Variants in HERC2 observed in about 807,000 individuals in gnomAD.
The protein encoded by HERC2 is HECT and RLD domain containing E3 ubiquitin protein ligase 2.
Under a neutral mutation model 537.7 loss-of-function variants are expected in HERC2, and 102 were observed. That is an observed-to-expected ratio of 0.19 (90% CI 0.16 to 0.22). The LOEUF is 0.22. Ranked by LOEUF, HERC2 falls within the 10% of genes least tolerant of loss-of-function variation. HERC2 has a pLI of 1.00. For synonymous variants in HERC2, 2,224 were observed against 2,466.2 expected (o/e 0.90, Z 2.91); for missense variants, 4,236 against 6,198.2 (o/e 0.68, Z 10.63).
intron 4 of HERC2, among the ~76,000 whole-genome samples, chr15:28,282,951 T>G (rs1172224723): frequency 2.4e-5 from 3 of 126,420 alleles, no homozygotes; most frequent in African/African-American, 9.7e-5. Context: ...CGGGAAGGGA[T>G]GGGAAGGGAC....
intron 55 of HERC2, 70 bp downstream of exon 55, chr15:28,190,895 T>C (rs113289431): frequency 2.0e-5 from 21 of 1,036,580 alleles, no homozygotes; most frequent in East Asian, 9.5e-5. Context: ...AATGCTAGTA[T>C]AGAAATGGCC....
chr15:28,187,051 G>A (rs951521290), intron 55 of HERC2, among the ~76,000 whole-genome samples: 14 of 152,142 alleles, frequency 9.2e-5, no homozygotes, highest in African/African-American at 2.9e-4. Flanking sequence ...AAACTCTTCC[G>A]TCTTAGAGCT....
chr15:28,139,199 G>A (rs1387920374), intron 78 of HERC2, among the ~76,000 whole-genome samples: 1 of 152,206 alleles, frequency 6.6e-6, no homozygotes, highest in Non-Finnish European at 1.5e-5. Flanking sequence ...CCTGAGTGTG[G>A]GCTGGACTTA....
At position 28,175,531 on chromosome 15, in the gene HERC2, G is replaced by A. The variant is rs1311070565; in HGVS notation, c.9812C>T (p.Ala3271Val). 1.9e-6 allele frequency: 3 copies of A among 1,612,762 alleles called. No individual in the cohort carries two copies. Among genetic ancestry groups the A allele is most frequent in the Non-Finnish European group, 2.5e-6 (3 of 1,179,316 alleles). ...HVAVGALHCL[A>V]VTDSGQVYAW... Reference sequence around the variant, plus strand: ...CCTTACCTGCCCCGAGTCCGTGACCGCCAGGCAGTGCAGGGCCCCGACAGC... The same window carrying A: ...CCTTACCTGCCCCGAGTCCGTGACCACCAGGCAGTGCAGGGCCCCGACAGC... The change falls in exon 64 of 93, where the codon GCG becomes GTG. Residue 3271 changes from alanine to valine, a missense_variant. This residue lies in a region of HERC2 where 93 missense variants were observed against 265.1 expected (regional missense o/e 0.35). Coordinates refer to ENST00000261609, the MANE Select transcript of HERC2 (RefSeq NM_004667.6).
chr15:28,213,852 C>T lies in HERC2; in HGVS notation c.6676G>A (p.Asp2226Asn), dbSNP rs1899549328. 1.3e-5 allele frequency: 21 copies of T among 1,613,920 alleles called. No homozygotes were observed. Among genetic ancestry groups the T allele is most frequent in the Non-Finnish European group, 1.8e-5 (21 of 1,179,924 alleles). ...RLRLGGQVMH[D>N]EFGEGTVTRI... ...GTCACAGTGCCTTCTCCAAACTCAT[C>T]GTGCATAACTTGACCGCCCAGGCGC... is the stretch of plus-strand genomic sequence containing the variant. The change falls in exon 42 of 93, where the codon GAT (aspartate) becomes AAT (asparagine). Residue 2226 changes from aspartate (D) to asparagine (N), a missense_variant. Physicochemically the swap from Asp to Asn is conservative, Grantham distance 23 (BLOSUM62 1). Around this residue, in one of 27 missense-constraint regions of HERC2, gnomAD observed 365 missense variants for 468.8 expected, o/e 0.78. Transcript: ENST00000261609.
chr15:28,115,403 C>A lies in HERC2; in HGVS notation c.13722+26G>T, dbSNP rs752242359. ...GTGCCTGTTAACAAGACCCTAGAGG[C>A]CCCGCCTGCCGCCCCAGGGAGTTAC... is the stretch of plus-strand genomic sequence containing the variant. On this transcript the variant is annotated intron_variant, in intron 89 of 92. Transcript: ENST00000261609. 3.3e-6 allele frequency: 5 copies of A among 1,534,384 alleles called. No individual in the cohort carries two copies. In the South Asian group the frequency reaches 3.4e-5, roughly 10 times the overall value.
intron 4 of HERC2, among the ~76,000 whole-genome samples, chr15:28,289,666 T>C (rs1456357784): frequency 1.3e-5 from 2 of 152,362 alleles, no homozygotes; most frequent in Non-Finnish European, 2.9e-5. Flanking sequence ...GAAATGTTTT[T>C]AGCAAGATGT....
chr15:28,261,527 G>A (rs1188637599), intron 15 of HERC2, among the ~76,000 whole-genome samples: 4 of 152,112 alleles, frequency 2.6e-5, no homozygotes, highest in African/African-American at 9.7e-5. Flanking sequence ...AAACCACACT[G>A]CAGTAAGGGG....
chr15:28,175,154 G>A (rs1039735430), intron 64 of HERC2, among the ~76,000 whole-genome samples: 7 of 151,816 alleles, frequency 4.6e-5, no homozygotes, highest in Non-Finnish European at 7.4e-5. Flanking sequence ...CACTAGCTCT[G>A]TCTCTAAAAT....
rs1331020132 is a variant in HERC2 at position 28,129,851 on chromosome 15, A to G, written c.12802+312T>C. ...GAGTGCAATGGCACGATCTTGGCTC[A>G]CTGCAACCTCCACCTCCCGGGTTCA... On this transcript the variant is annotated intron_variant, in intron 83 of 92. Coordinates refer to ENST00000261609, the MANE Select transcript of HERC2 (RefSeq NM_004667.6). Among the ~76,000 whole-genome samples the G allele has an allele frequency of 4.1e-5, 6 of 144,652 alleles. No individual in the cohort carries two copies. In the East Asian group the frequency reaches 1.2e-3, roughly 29 times the overall value. The allele number at this position is 144,652 out of a possible 152,430, so 94.9% of individuals were successfully genotyped here.
At chr15:28,258,226 T>C (rs1375635849) in intron 16 of HERC2, among the ~76,000 whole-genome samples, 3 of 152,014 alleles carry the variant, frequency 2.0e-5, no homozygotes, top group Admixed American at 6.6e-5. Context: ...TCCAAACACT[T>C]TGGGAGGCCA....
In HERC2 at chr15:28,111,422, G is replaced by T. The variant is rs551612252; in HGVS notation, c.*341C>A. On this transcript the variant is annotated 3_prime_UTR_variant, in exon 93 of 93. Coordinates refer to ENST00000261609, the MANE Select transcript of HERC2 (RefSeq NM_004667.6). ...AAAGAAAGGAGAAAGAAAAAAAATC[G>T]ATTGCACCCACAAGTAAAAAGGCTT... 39 of 274,824 alleles carry T rather than the reference G, an allele frequency of 1.4e-4. No individual in the cohort carries two copies. The highest frequency in any genetic ancestry group is 7.0e-4 in the African/African-American group (32 of 45,546). 17.0% of individuals were successfully genotyped at this position (274,824 alleles called of 1,614,324 possible). A position where few individuals can be genotyped will look rare whatever the true frequency, so the allele number is the denominator to read the frequency against.
rs1311335573 is a variant in HERC2, at chr15:28,222,273, T to C, written c.5465-58A>G. 4 of 813,046 alleles carry C rather than the reference T, an allele frequency of 4.9e-6. No individual in the cohort carries two copies. The African/African-American group carries it at 6.4e-5, about 13-fold the overall frequency. The allele number at this position is 813,046 out of a possible 1,614,324, so 50.4% of individuals were successfully genotyped here. A position where few individuals can be genotyped will look rare whatever the true frequency, so the allele number is the denominator to read the frequency against. On this transcript the variant is annotated intron_variant, in intron 35 of 92. Coordinates refer to ENST00000261609, the MANE Select transcript of HERC2 (RefSeq NM_004667.6). Reference sequence around the variant, plus strand: ...ACAAGTAGCTACAGTGTCCCCTTAATACACACAAAACATTCACAAAGTACT... The same window carrying C: ...ACAAGTAGCTACAGTGTCCCCTTAACACACACAAAACATTCACAAAGTACT...
At chr15:28,209,296 TA>T (rs1335485843) in intron 44 of HERC2, among the ~76,000 whole-genome samples, 2 of 152,196 alleles carry the variant, frequency 1.3e-5, no homozygotes. Context: ...AATATAATTT[TA>T]AAAAGAATAG....
At chr15:28,182,604 CA>C in intron 56 of HERC2, 92 bp from the exon 57 acceptor site, 1 of 975,446 alleles carries the variant, frequency 1.0e-6, no homozygotes, top group Non-Finnish European at 1.5e-6. Context: ...CTCAAGCACT[CA>C]AAGTTTTATG....
At chr15:28,219,350 C>A (rs1465699752) in intron 37 of HERC2, among the ~76,000 whole-genome samples, 1 of 152,240 alleles carries the variant, frequency 6.6e-6, no homozygotes, top group African/African-American at 2.4e-5. Context: ...TCTGATGCCT[C>A]TGTGGGGAAA....
intron 15 of HERC2, 113 bp downstream of exon 15, chr15:28,262,805 A>G (rs1399968516): frequency 1.7e-6 from 2 of 1,152,070 alleles, no homozygotes; most frequent in African/African-American, 3.1e-5. Context: ...GGTTAAGAAC[A>G]TAAAACCTGC....
In HERC2 at chr15:28,114,650, G is replaced by A. The variant is rs1888022501; in HGVS notation, c.13875C>T (p.Asp4625=). Residue 4625 remains aspartate (D), a synonymous_variant, in exon 90 of 93, where the codon GAC becomes GAT. Coordinates refer to ENST00000261609, the MANE Select transcript of HERC2 (RefSeq NM_004667.6). ...CCAGCCGCACGTACTCCGCGCGGTT[G>A]TCCAGGGTGATGTGTGTGTGCTTGG... ...LSSKHTHITL[D]NRAEYVRLAI... The A allele has an allele frequency of 1.9e-6, 3 of 1,614,066 alleles. No individual in the cohort carries two copies. The highest frequency in any genetic ancestry group is 2.2e-5 in the East Asian group (1 of 44,858).
intron 30 of HERC2, among the ~76,000 whole-genome samples, chr15:28,231,327 T>C (rs1901816867): frequency 6.6e-6 from 1 of 152,118 alleles, no homozygotes; most frequent in African/African-American, 2.4e-5. Context: ...CCTTGGAACA[T>C]CCTGCCTGAG....
Sources: gnomAD v4.1 joint callset for allele counts (sites outside exome capture counted in the v4.1 genomes callset) on GRCh38, gnomAD v4.1.1 for gene constraint, gnomAD v4.1.1 regional missense constraint, MANE v1.5 for transcripts, NCBI Gene and HGNC (gene_info 2026-07-23, HGNC 2026-07-21) for gene names.